The following CCNY variants were observed in gnomAD, a reference collection of about 807,000 sequenced individuals.
CCNY encodes the protein cyclin-Y.
CCNY carries 19 observed loss-of-function variants against 42.8 expected under a neutral mutation model. The observed-to-expected ratio is 0.44, with a 90% CI of 0.31 to 0.65. The LOEUF (loss-of-function observed/expected upper bound fraction) is 0.65. Among genes scored for constraint, CCNY ranks in the 30% least tolerant of loss-of-function variants. The probability of loss-of-function intolerance (pLI) is 0.07; values close to 1 mark genes in which losing one functional copy is unlikely to be tolerated. For missense variants in CCNY, 370 were observed against 437.3 expected, an observed-to-expected ratio of 0.85 and a Z score of 1.37; for synonymous variants, 165 against 162.7, an observed-to-expected ratio of 1.01 and a Z score of -0.11.
intron 1 of CCNY, among the ~76,000 whole-genome samples, chr10:35,442,387 C>G (rs1564412554): frequency 6.6e-6 from 1 of 152,220 alleles, no homozygotes; most frequent in African/African-American, 2.4e-5. Context: ...TGCTGTGCAT[C>G]AGGCTCATAG....
At chr10:35,316,052 T>C (rs1197156554) in intron 3 of CCNY, among the ~76,000 whole-genome samples, 1 of 152,260 alleles carries the variant, frequency 6.6e-6, no homozygotes, top group Non-Finnish European at 1.5e-5. Context: ...AAATGTATCA[T>C]ATACAGTGCA....
intron 4 of CCNY, among the ~76,000 whole-genome samples, chr10:35,524,843 C>A (rs1010027680): frequency 2.6e-4 from 40 of 152,274 alleles, no homozygotes; most frequent in African/African-American, 9.4e-4. Context: ...ACATTCGGGT[C>A]AGTGTCAGTG....
At chr10:35,357,128 C>G (rs1836571822) in intron 1 of CCNY, among the ~76,000 whole-genome samples, 1 of 152,146 alleles carries the variant, frequency 6.6e-6, no homozygotes, top group African/African-American at 2.4e-5. Context: ...ATCACCTGTT[C>G]AGGTTTTTTC....
chr10:35,489,304 T>C (rs939971229), intron 2 of CCNY, among the ~76,000 whole-genome samples: 12 of 152,312 alleles, frequency 7.9e-5, no homozygotes, highest in Middle Eastern at 6.8e-3. Flanking sequence ...TTTTGTTTTG[T>C]TTTGTTTTGT....
In CCNY at chr10:35,527,927, G is replaced by A. The variant is rs147347022; in HGVS notation, c.401+1928G>A. Among the ~76,000 whole-genome samples the A allele has an allele frequency of 1.6e-3, 238 of 152,302 alleles. 2 individuals are homozygous for A. Among genetic ancestry groups the A allele is most frequent in the Middle Eastern group, 3.4e-3 (1 of 294 alleles). ...AGCTTTTAGAGGAAGTAAGGAAACA[G>A]TCTACTTCTCAGAGGATTCTCCAGA... On this transcript the variant is annotated intron_variant, in intron 5 of 9. Coordinates refer to ENST00000374704, the MANE Select transcript of CCNY (RefSeq NM_145012.6).
At chr10:35,367,289 T>C (rs1300715357) in intron 1 of CCNY, among the ~76,000 whole-genome samples, 4 of 152,222 alleles carry the variant, frequency 2.6e-5, no homozygotes, top group Non-Finnish European at 4.4e-5. Context: ...TTATAGACTG[T>C]ATAGTATTCT....
At chr10:35,552,744 TAGAG>T (rs2135450777) in intron 7 of CCNY, among the ~76,000 whole-genome samples, 1 of 152,356 alleles carries the variant, frequency 6.6e-6, no homozygotes, top group East Asian at 1.9e-4. Flanking sequence ...TCACAGTTGA[TAGAG>T]TGAGAAATTA....
chr10:35,321,549 G>A (rs1308978500), intron 3 of CCNY, among the ~76,000 whole-genome samples: 5 of 151,724 alleles, frequency 3.3e-5, no homozygotes, highest in African/African-American at 4.8e-5. Flanking sequence ...GTGGTGGTAC[G>A]CACCTGTGGT....
At chr10:35,354,212 A>G (rs113461839) in intron 1 of CCNY, among the ~76,000 whole-genome samples, 1,479 of 145,486 alleles carry the variant, frequency 0.01, 22 homozygotes, top group African/African-American at 0.036. Flanking sequence ...TTGGGATGAC[A>G]TCTCACTCTG....
intron 3 of CCNY, among the ~76,000 whole-genome samples, chr10:35,282,298 A>G (rs1835306904): frequency 6.6e-6 from 1 of 151,796 alleles, no homozygotes; most frequent in Non-Finnish European, 1.5e-5. Flanking sequence ...TTTTTAAAAA[A>G]TTGTTTTTTA....
intron 9 of CCNY, among the ~76,000 whole-genome samples, chr10:35,567,162 A>T (rs538844428): frequency 6.6e-6 from 1 of 152,370 alleles, no homozygotes; most frequent in South Asian, 2.1e-4. Context: ...AAATGATATT[A>T]ACAATTGGGA....
intron 3 of CCNY, among the ~76,000 whole-genome samples, chr10:35,509,627 CAG>C (rs1840284806): frequency 6.6e-6 from 1 of 152,148 alleles, no homozygotes; most frequent in Non-Finnish European, 1.5e-5. Flanking sequence ...ACTTTGAGGT[CAG>C]AGAGGAAGAT....
At chr10:35,543,330 A>T (rs1011839240) in intron 7 of CCNY, among the ~76,000 whole-genome samples, 1 of 152,198 alleles carries the variant, frequency 6.6e-6, no homozygotes, top group African/African-American at 2.4e-5. Flanking sequence ...GTCTGAAGGA[A>T]AAAGAGTCCT....
intron 1 of CCNY, among the ~76,000 whole-genome samples, chr10:35,431,874 G>T (rs761091824): frequency 5.9e-5 from 9 of 152,058 alleles, no homozygotes; most frequent in Non-Finnish European, 1.3e-4. Context: ...AACCACCAGA[G>T]ATTAGCCTCC....
At chr10:35,383,361 G>T (rs1243508398) in intron 1 of CCNY, among the ~76,000 whole-genome samples, 1 of 151,516 alleles carries the variant, frequency 6.6e-6, no homozygotes, top group Non-Finnish European at 1.5e-5. Context: ...AGGCTGGAGT[G>T]CAGTGGCACA....
intron 1 of CCNY, among the ~76,000 whole-genome samples, chr10:35,465,938 A>AGAGAGAGAGAGAGAGAGAGAGAGAGT: frequency 7.4e-5 from 6 of 81,030 alleles, no homozygotes; most frequent in South Asian, 5.1e-4. Flanking sequence ...AGAGAGAGAG[A>AGAGAGAGAGAGAGAGAGAGAGAGAGT]GTGTGTGTGT....
chr10:35,484,784 C>G, intron 2 of CCNY, among the ~76,000 whole-genome samples: 1 of 152,300 alleles, frequency 6.6e-6, no homozygotes, highest in African/African-American at 2.4e-5. Context: ...GGCTTACTTT[C>G]GGGTTTCATT....
At chr10:35,276,775 T>G (rs1359258457) in intron 3 of CCNY, among the ~76,000 whole-genome samples, 2 of 152,180 alleles carry the variant, frequency 1.3e-5, no homozygotes, top group African/African-American at 4.8e-5. Context: ...TTGGGGCCCC[T>G]CTCACTAGTC....
intron 1 of CCNY, among the ~76,000 whole-genome samples, chr10:35,347,830 A>G (rs1279958540): frequency 6.6e-6 from 1 of 152,090 alleles, no homozygotes; most frequent in Non-Finnish European, 1.5e-5. Flanking sequence ...AATCCTTTAA[A>G]TTATTTCTGG....
Sources: gnomAD v4.1 joint callset for allele counts (sites outside exome capture counted in the v4.1 genomes callset) on GRCh38, gnomAD v4.1.1 for gene constraint, MANE v1.5 for transcripts, NCBI Gene and HGNC (gene_info 2026-07-23, HGNC 2026-07-21) for gene names.